Variants in TMEM209 observed in about 807,000 individuals in gnomAD.
TMEM209 encodes transmembrane protein 209, also known as testicular tissue protein Li 202.
TMEM209 carries 65 observed loss-of-function variants against 76.2 expected under a neutral mutation model. That is an observed-to-expected ratio of 0.85 (90% confidence interval 0.70 to 1.05). TMEM209 has a LOEUF of 1.05. Ranked by LOEUF, TMEM209 falls within the 50% of genes least tolerant of loss-of-function variation. The probability of loss-of-function intolerance (pLI) is 0.00; values close to 1 mark genes in which losing one functional copy is unlikely to be tolerated. For missense variants in TMEM209, 623 were observed against 685.5 expected (o/e 0.91, Z 1.02); for synonymous variants, 239 against 237.6 (o/e 1.01, Z -0.06).
chr7:130,167,594 A>G (rs1796921874), intron 14 of TMEM209, among the ~76,000 whole-genome samples: 1 of 152,168 alleles, frequency 6.6e-6, no homozygotes, highest in Admixed American at 6.5e-5. Flanking sequence ...CTCATATTAT[A>G]GCAGAATAAT....
In TMEM209 at chr7:130,165,738, ACTTT is replaced by A. The variant is rs1463945988; in HGVS notation, c.*709_*712del. 6.6e-6 allele frequency: 1 copy of A among 150,384 alleles called. No homozygotes were observed. The highest frequency in any genetic ancestry group is 1.5e-5 in the Non-Finnish European group (1 of 67,738). 9.3% of individuals were successfully genotyped at this position (150,384 alleles called of 1,614,324 possible). ...AAAAAACTAAATCAGCAATTTTCTT[ACTTT>A]CTAAGTACTTACACTGTTAAATAAA... On this transcript the variant is annotated 3_prime_UTR_variant, in exon 15 of 15. Transcript: ENST00000397622.
rs529975975 is a variant in TMEM209, at chr7:130,175,698, A to G, written c.1247-89T>C. 36 of 1,018,384 alleles carry G rather than the reference A, an allele frequency of 3.5e-5. No homozygotes were observed. The African/African-American group carries it at 4.1e-4, about 12-fold the overall frequency. The allele number at this position is 1,018,384 out of a possible 1,614,324, so 63.1% of individuals were successfully genotyped here. On this transcript the variant is annotated intron_variant, in intron 10 of 14. Coordinates refer to ENST00000397622, the MANE Select transcript of TMEM209 (RefSeq NM_032842.4). ...CTAAGGGAATATAATAAGGGAAGCA[A>G]ATCATTTAAAAAACTTGATCAAAAC... is the stretch of plus-strand genomic sequence containing the variant.
At chr7:130,189,842 CAAT>C in intron 6 of TMEM209, among the ~76,000 whole-genome samples, 1 of 152,044 alleles carries the variant, frequency 6.6e-6, no homozygotes, top group East Asian at 1.9e-4. Flanking sequence ...AATGATACCT[CAAT>C]AATAACAGTG....
At chr7:130,182,309 CTA>C (rs1797449976) in intron 8 of TMEM209, among the ~76,000 whole-genome samples, 2 of 151,814 alleles carry the variant, frequency 1.3e-5, no homozygotes, top group South Asian at 2.1e-4. Flanking sequence ...AAACTTTTAG[CTA>C]TATGTTAAAT....
chr7:130,190,132 C>T (rs1050490748), intron 6 of TMEM209, among the ~76,000 whole-genome samples: 14 of 152,138 alleles, frequency 9.2e-5, no homozygotes, highest in African/African-American at 3.4e-4. Context: ...GGAGAAGAAA[C>T]CTTTATCTTA....
Position 130,202,095 on chromosome 7 carries a change from G to GA in TMEM209, c.332-5dup. The GA allele has an allele frequency of 1.3e-6, 2 of 1,581,112 alleles. No individual in the cohort carries two copies. Among genetic ancestry groups the GA allele is most frequent in the Admixed American group, 1.9e-5 (1 of 53,388 alleles). ...TGTGGAGGCGTAGTCTGTACAACTA[G>GA]AAGGAAAAAAAAAGCAACATATGTG... On this transcript the variant is annotated splice_region_variant and splice_polypyrimidine_tract_variant and intron_variant, in intron 4 of 14. Coordinates refer to ENST00000397622, the MANE Select transcript of TMEM209 (RefSeq NM_032842.4).
Position 130,205,404 on chromosome 7 carries a change from G to A in TMEM209, c.-29C>T. ...CTCTGGCCGGAAAACGCAGGCTCGCGCCACTCTCTCTGGGCATGCGCAAAG... is the reference window on the plus strand; with the variant it reads ...CTCTGGCCGGAAAACGCAGGCTCGCACCACTCTCTCTGGGCATGCGCAAAG... On this transcript the variant is annotated 5_prime_UTR_variant, in exon 1 of 15. Coordinates refer to ENST00000397622, the MANE Select transcript of TMEM209 (RefSeq NM_032842.4). The A allele has an allele frequency of 2.5e-6, 4 of 1,613,616 alleles. No individual in the cohort carries two copies. The highest frequency in any genetic ancestry group is 2.5e-6 in the Non-Finnish European group (3 of 1,179,896).
At chr7:130,189,982 G>A (rs868566155) in intron 6 of TMEM209, among the ~76,000 whole-genome samples, 1 of 152,156 alleles carries the variant, frequency 6.6e-6, no homozygotes, top group East Asian at 1.9e-4. Flanking sequence ...CTATTTTGTG[G>A]TGCTAGAAAG....
chr7:130,201,088 CAAAAAAAAAAAAAAA>C (rs869309249), intron 5 of TMEM209, among the ~76,000 whole-genome samples: 7 of 74,170 alleles, frequency 9.4e-5, no homozygotes, highest in African/African-American at 4.2e-4. Context: ...GACTCTGTCT[CAAAAAAAAAAAAAAA>C]AAAAAAAAAA....
intron 14 of TMEM209, among the ~76,000 whole-genome samples, chr7:130,168,262 T>C (rs914100299): frequency 6.6e-6 from 1 of 152,204 alleles, no homozygotes; most frequent in Non-Finnish European, 1.5e-5. Context: ...GTTAAGCACC[T>C]ATAATCTGAA....
chr7:130,169,627 T>C (rs1469496125), intron 14 of TMEM209, among the ~76,000 whole-genome samples: 1 of 152,178 alleles, frequency 6.6e-6, no homozygotes, highest in Non-Finnish European at 1.5e-5. Context: ...GGCACAGTTC[T>C]AGGACACGTA....
rs1796835956 is a variant in TMEM209 at position 130,164,781 on chromosome 7, ATTG to A, written c.*1667_*1669del. ...ATGCAACTAGTTTAACAGCATGACA[ATTG>A]TTATTCCAAGACATCTTCAGTAACT... On this transcript the variant is annotated 3_prime_UTR_variant, in exon 15 of 15. Coordinates refer to ENST00000397622, the MANE Select transcript of TMEM209 (RefSeq NM_032842.4). 1 of 152,162 alleles carries A rather than the reference ATTG, an allele frequency of 6.6e-6. No individual in the cohort carries two copies. Among genetic ancestry groups the A allele is most frequent in the Non-Finnish European group, 1.5e-5 (1 of 68,004 alleles). The allele number at this position is 152,162 out of a possible 1,614,324, so 9.4% of individuals were successfully genotyped here.
chr7:130,188,595 C>CAAAAAA (rs10649977), intron 6 of TMEM209, among the ~76,000 whole-genome samples: 78 of 72,638 alleles, frequency 1.1e-3, no homozygotes, highest in African/African-American at 1.7e-3. Context: ...GACTCCGTAT[C>CAAAAAA]AAAAAAAAAA....
chr7:130,189,265 C>A (rs1055142421), intron 6 of TMEM209, among the ~76,000 whole-genome samples: 1 of 151,724 alleles, frequency 6.6e-6, no homozygotes, highest in African/African-American at 2.4e-5. Context: ...GGTGTGATCT[C>A]GGTTCACTGC....
intron 13 of TMEM209, among the ~76,000 whole-genome samples, chr7:130,171,578 G>A (rs555221075): frequency 9.0e-4 from 137 of 152,250 alleles, no homozygotes; most frequent in Middle Eastern, 3.4e-3. Context: ...TACATACAAA[G>A]CTAAAATATT....
chr7:130,191,751 G>A (rs1179936788), intron 6 of TMEM209, among the ~76,000 whole-genome samples: 4 of 152,184 alleles, frequency 2.6e-5, no homozygotes, highest in Non-Finnish European at 5.9e-5. Context: ...AGTGAAGTCA[G>A]AAAATATCTG....
chr7:130,200,855 C>G (rs546509808), intron 5 of TMEM209, among the ~76,000 whole-genome samples: 8 of 151,716 alleles, frequency 5.3e-5, no homozygotes, highest in Non-Finnish European at 1.0e-4. Context: ...TTTGGGAGGT[C>G]GAGGAGGGCA....
intron 8 of TMEM209, among the ~76,000 whole-genome samples, chr7:130,183,683 G>C (rs1193809575): frequency 6.6e-6 from 1 of 152,130 alleles, no homozygotes; most frequent in Non-Finnish European, 1.5e-5. Context: ...CGTGGAGTTG[G>C]AAATAGGGAA....
intron 5 of TMEM209, among the ~76,000 whole-genome samples, chr7:130,199,352 C>A (rs568027550): frequency 2.6e-5 from 4 of 151,806 alleles, no homozygotes; most frequent in African/African-American, 9.7e-5. Flanking sequence ...CGAGTAGCTG[C>A]GACTACAGGC....
Sources: gnomAD v4.1 joint callset for allele counts (sites outside exome capture counted in the v4.1 genomes callset) on GRCh38, gnomAD v4.1.1 for gene constraint, MANE v1.5 for transcripts, NCBI Gene and HGNC (gene_info 2026-07-23, HGNC 2026-07-21) for gene names.